ARHGEF3: variants seen among roughly 807,000 people sequenced by gnomAD.
ARHGEF3 encodes the protein Rho guanine nucleotide exchange factor 3, also known as 59.8 kDA protein.
In ARHGEF3, 28 loss-of-function variants were observed where a neutral mutation model predicts 63.2. That is an observed-to-expected ratio of 0.44 (90% confidence interval 0.33 to 0.61). ARHGEF3 has a LOEUF of 0.61. ARHGEF3 is among the 20% of genes least tolerant of loss of function. ARHGEF3 has a pLI of 0.03. For synonymous variants in ARHGEF3, 266 were observed against 254.2 expected (o/e 1.05, Z -0.44); for missense variants, 533 against 659.3 (o/e 0.81, Z 2.10).
chr3:56,963,967 T>A (rs1489078660), intron 2 of ARHGEF3, among the ~76,000 whole-genome samples: 1 of 152,154 alleles, frequency 6.6e-6, no homozygotes, highest in East Asian at 1.9e-4. Context: ...CCAATAACAT[T>A]TCTATGGCTC....
intron 1 of ARHGEF3, among the ~76,000 whole-genome samples, chr3:56,789,020 A>ATGCTGCTGCTGCTGCTGCTGC (rs34620976): frequency 1.8e-4 from 27 of 149,224 alleles, no homozygotes; most frequent in Middle Eastern, 3.4e-3. Flanking sequence ...TTCAAGATAG[A>ATGCTGCTGCTGCTGCTGCTGC]TGCTGCTGCT....
intron 1 of ARHGEF3, among the ~76,000 whole-genome samples, chr3:57,056,099 G>C (rs951133767): frequency 6.6e-5 from 10 of 151,942 alleles, no homozygotes; most frequent in African/African-American, 2.4e-4. Flanking sequence ...TAAAAAATGG[G>C]AGCAGAGGCC....
intron 3 of ARHGEF3, among the ~76,000 whole-genome samples, chr3:56,914,299 A>G (rs907618984): frequency 1.2e-4 from 19 of 152,248 alleles, no homozygotes; most frequent in Admixed American, 1.0e-3. Context: ...GCAGGGTCTT[A>G]AGAGATATTT....
chr3:56,777,228 T>C (rs1250800277), intron 1 of ARHGEF3, among the ~76,000 whole-genome samples: 2 of 152,162 alleles, frequency 1.3e-5, no homozygotes. Context: ...ATTTTTATCA[T>C]GAATTGGCAG....
chr3:56,771,745 C>A (rs2036018727), intron 2 of ARHGEF3, among the ~76,000 whole-genome samples: 1 of 152,152 alleles, frequency 6.6e-6, no homozygotes, highest in Non-Finnish European at 1.5e-5. Context: ...CCTTCCTGGG[C>A]AGAGGGTGGA....
chr3:56,844,100 G>T (rs1291466531), intron 4 of ARHGEF3, among the ~76,000 whole-genome samples: 1 of 152,202 alleles, frequency 6.6e-6, no homozygotes, highest in East Asian at 1.9e-4. Context: ...TGGCACTTTA[G>T]TGCATGACAA....
intron 3 of ARHGEF3, among the ~76,000 whole-genome samples, chr3:56,923,890 G>C (rs1578856686): frequency 6.6e-6 from 1 of 152,126 alleles, no homozygotes; most frequent in Non-Finnish European, 1.5e-5. Context: ...AGGTGGAAAG[G>C]GCTTCCAACT....
intron 1 of ARHGEF3, chr3:57,073,443 G>A (rs1201041300): frequency 8.6e-6 from 4 of 463,048 alleles, no homozygotes; most frequent in Non-Finnish European, 1.5e-5. Context: ...AAGCGTGAAA[G>A]AGCTTCCAAG....
chr3:57,034,094 C>T lies in ARHGEF3; in HGVS notation c.62+994G>A, dbSNP rs563465596. On this transcript the variant is annotated intron_variant, in intron 2 of 12. Transcript: ENST00000338458. ...AAATTAAATTAATTTTAATTATTGA[C>T]ATTACACTAAAAGTTTTTAATTATC... Among the ~76,000 whole-genome samples the T allele has an allele frequency of 5.9e-5, 9 of 151,936 alleles. No homozygotes were observed. In the East Asian group the frequency reaches 1.7e-3, roughly 29 times the overall value.
intron 1 of ARHGEF3, among the ~76,000 whole-genome samples, chr3:57,055,878 G>A (rs1383987678): frequency 6.6e-6 from 1 of 152,118 alleles, no homozygotes; most frequent in Admixed American, 6.5e-5. Context: ...CTTTCCATAA[G>A]TCCATTTTGA....
At chr3:56,767,840 G>C (rs555258895) in intron 2 of ARHGEF3, among the ~76,000 whole-genome samples, 2 of 151,868 alleles carry the variant, frequency 1.3e-5, no homozygotes, top group South Asian at 4.2e-4. Flanking sequence ...TCCACCTCCT[G>C]GGTTCAAGTG....
intron 2 of ARHGEF3, among the ~76,000 whole-genome samples, chr3:56,766,621 C>T (rs2035719351): frequency 6.6e-6 from 1 of 152,178 alleles, no homozygotes; most frequent in Non-Finnish European, 1.5e-5. Context: ...TAAGACACCA[C>T]CTTGGCTTGC....
chr3:56,873,732 T>A (rs9850452), intron 4 of ARHGEF3, among the ~76,000 whole-genome samples: 6,695 of 152,210 alleles, frequency 0.044, 511 homozygotes, highest in African/African-American at 0.15. Flanking sequence ...TTTTTAGCCT[T>A]ACAACTTTAA....
rs2040594102 is a variant in ARHGEF3, at chr3:56,876,661, A to G, written c.192+5631T>C. Among the ~76,000 whole-genome samples the G allele has an allele frequency of 2.0e-5, 3 of 150,376 alleles. No individual in the cohort carries two copies. In the South Asian group the frequency reaches 6.5e-4, roughly 33 times the overall value. On this transcript the variant is annotated intron_variant, in intron 4 of 12. Transcript: ENST00000338458. ...AGGAGATTAAACAGGGCTCATCTTG[A>G]TGGTTGCAAATCAGCAAAACAAAAA...
intron 1 of ARHGEF3, among the ~76,000 whole-genome samples, chr3:57,069,410 C>CAT (rs1223132274): frequency 6.7e-6 from 1 of 148,922 alleles, no homozygotes; most frequent in East Asian, 1.9e-4. Flanking sequence ...CACACACACA[C>CAT]ATTGTTTGTT....
At chr3:56,970,331 T>A (rs573510148) in intron 2 of ARHGEF3, among the ~76,000 whole-genome samples, 1 of 152,298 alleles carries the variant, frequency 6.6e-6, no homozygotes, top group Admixed American at 6.5e-5. Flanking sequence ...CCACACGGAA[T>A]AATGATGTGA....
intron 2 of ARHGEF3, among the ~76,000 whole-genome samples, chr3:56,770,411 A>AAAATT (rs532232575): frequency 0.22 from 32,530 of 147,658 alleles, 4,829 homozygotes; most frequent in African/African-American, 0.42. Context: ...CTCTGTCTCG[A>AAAATT]AAATTAAATT....
chr3:57,077,562 T>C (rs1488898502), intron 1 of ARHGEF3, among the ~76,000 whole-genome samples: 3 of 152,136 alleles, frequency 2.0e-5, no homozygotes, highest in Admixed American at 6.5e-5. Context: ...AGGAAAACTC[T>C]ACAGATGGAG....
intron 2 of ARHGEF3, among the ~76,000 whole-genome samples, chr3:57,006,357 G>A (rs962564344): frequency 6.6e-6 from 1 of 152,272 alleles, no homozygotes; most frequent in East Asian, 1.9e-4. Context: ...GATTTCAGTT[G>A]TTTTCAAACA....
Sources: gnomAD v4.1 joint callset for allele counts (sites outside exome capture counted in the v4.1 genomes callset) on GRCh38, gnomAD v4.1.1 for gene constraint, MANE v1.5 for transcripts, NCBI Gene and HGNC (gene_info 2026-07-23, HGNC 2026-07-21) for gene names.